Variants in GLCE observed in about 807,000 individuals in gnomAD.
GLCE encodes glucuronic acid epimerase.
Under a neutral mutation model 47.9 loss-of-function variants are expected in GLCE, and 19 were observed. The observed-to-expected ratio is 0.40, with a 90% CI of 0.28 to 0.58. The LOEUF (loss-of-function observed/expected upper bound fraction) is 0.58, where lower values mean the gene tolerates loss of function less well. Among genes scored for constraint, GLCE ranks in the 20% least tolerant of loss-of-function variants. GLCE has a pLI of 0.48. For synonymous variants in GLCE, 245 were observed against 263.4 expected, an observed-to-expected ratio of 0.93 and a Z score of 0.68; for missense variants, 556 against 743.3, an observed-to-expected ratio of 0.75 and a Z score of 2.93.
chr15:69,182,163 A>T (rs7179858), intron 1 of GLCE, among the ~76,000 whole-genome samples: 6,308 of 152,140 alleles, frequency 0.041, 433 homozygotes, highest in African/African-American at 0.14. Context: ...GGCAGAATGG[A>T]TGAATCAGGA....
intron 4 of GLCE, among the ~76,000 whole-genome samples, chr15:69,266,998 A>G (rs1481424286): frequency 6.6e-6 from 1 of 152,230 alleles, no homozygotes; most frequent in African/African-American, 2.4e-5. Flanking sequence ...AAAGATCAAG[A>G]TAGGAAGATT....
chr15:69,229,394 G>A (rs2052490067), intron 2 of GLCE, among the ~76,000 whole-genome samples: 1 of 152,162 alleles, frequency 6.6e-6, no homozygotes, highest in Non-Finnish European at 1.5e-5. Context: ...AACCCAAACA[G>A]CTCAGGAATT....
intron 1 of GLCE, among the ~76,000 whole-genome samples, chr15:69,178,849 A>G (rs1431930349): frequency 1.3e-5 from 2 of 152,148 alleles, no homozygotes; most frequent in African/African-American, 4.8e-5. Context: ...GTCAAAAAAC[A>G]TATATGACTC....
At chr15:69,221,273 C>T (rs550443935) in intron 2 of GLCE, among the ~76,000 whole-genome samples, 4 of 152,144 alleles carry the variant, frequency 2.6e-5, no homozygotes, top group East Asian at 3.9e-4. Context: ...TTTCTATTTC[C>T]GTGAAAAACA....
At chr15:69,238,756 C>T (rs974452248) in intron 2 of GLCE, among the ~76,000 whole-genome samples, 4 of 152,096 alleles carry the variant, frequency 2.6e-5, no homozygotes, top group African/African-American at 4.8e-5. Context: ...AATGAACATA[C>T]ATAATTATAA....
Position 69,271,110 on chromosome 15 carries a change from T to C in GLCE, c.*1866T>C, listed in dbSNP as rs1237013552. 1 of 152,672 alleles carries C rather than the reference T, an allele frequency of 6.5e-6. No homozygotes were observed. The highest frequency in any genetic ancestry group is 1.5e-5 in the Non-Finnish European group (1 of 68,044). 9.5% of individuals were successfully genotyped at this position (152,672 alleles called of 1,614,324 possible). Reference sequence around the variant, plus strand: ...ATGAGACTCGATGATAACAGTATGGTACTGCTTCTGTGACAAATATCGTGC... The same window carrying C: ...ATGAGACTCGATGATAACAGTATGGCACTGCTTCTGTGACAAATATCGTGC... On this transcript the variant is annotated 3_prime_UTR_variant, in exon 5 of 5. Coordinates refer to ENST00000261858, the MANE Select transcript of GLCE (RefSeq NM_015554.3).
chr15:69,217,060 T>TAG (rs1486509734), intron 2 of GLCE, among the ~76,000 whole-genome samples: 1 of 152,130 alleles, frequency 6.6e-6, no homozygotes, highest in Admixed American at 6.5e-5. Context: ...ATGACTGATA[T>TAG]TTCTAATGGC....
At chr15:69,205,160 T>TC (rs1335348722) in intron 1 of GLCE, among the ~76,000 whole-genome samples, 4 of 151,846 alleles carry the variant, frequency 2.6e-5, no homozygotes, top group Admixed American at 6.6e-5. Context: ...GTAGTTGTGC[T>TC]CCCCCCCACC....
At chr15:69,225,538 CAAT>C (rs1031047915) in intron 2 of GLCE, among the ~76,000 whole-genome samples, 2 of 152,082 alleles carry the variant, frequency 1.3e-5, no homozygotes, top group African/African-American at 2.4e-5. Context: ...CATGTATAAG[CAAT>C]AATTTTTTTG....
intron 2 of GLCE, among the ~76,000 whole-genome samples, chr15:69,250,830 G>C (rs1487824309): frequency 6.6e-6 from 1 of 151,168 alleles, no homozygotes; most frequent in Non-Finnish European, 1.5e-5. Flanking sequence ...AAAACAGCGT[G>C]GTCATGGAAA....
chr15:69,220,655 A>G (rs1208428817), intron 2 of GLCE, among the ~76,000 whole-genome samples: 2 of 152,138 alleles, frequency 1.3e-5, no homozygotes, highest in African/African-American at 4.8e-5. Context: ...TGAGTTTTAA[A>G]AGTTATCTAT....
At chr15:69,186,186 A>AT (rs1157865201) in intron 1 of GLCE, among the ~76,000 whole-genome samples, 1 of 152,042 alleles carries the variant, frequency 6.6e-6, no homozygotes, top group Non-Finnish European at 1.5e-5. Flanking sequence ...GCCTCATGAC[A>AT]TCAACATTCC....
At chr15:69,176,216 G>GTCTTTTTTT (rs2051660214) in intron 1 of GLCE, among the ~76,000 whole-genome samples, 1 of 63,388 alleles carries the variant, frequency 1.6e-5, no homozygotes, top group South Asian at 7.3e-4. Context: ...GTGGAACCTT[G>GTCTTTTTTT]TTTTTTTTTT....
chr15:69,193,599 A>G (rs1399310505), intron 1 of GLCE, among the ~76,000 whole-genome samples: 1 of 152,026 alleles, frequency 6.6e-6, no homozygotes, highest in African/African-American at 2.4e-5. Context: ...AAAATCTCCT[A>G]TGCCTTTGAT....
At position 69,268,677 on chromosome 15, in the gene GLCE, G is replaced by C. The variant is rs774135395; in HGVS notation, c.1287G>C (p.Lys429Asn). 1.9e-6 allele frequency: 3 copies of C among 1,614,230 alleles called. No homozygotes were observed. The highest frequency in any genetic ancestry group is 1.7e-5 in the Admixed American group (1 of 60,020). The change falls in exon 5 of 5, where the codon AAG becomes AAC. Residue 429 changes from lysine to asparagine, a missense_variant. Physicochemically the swap from Lys to Asn is moderately conservative, Grantham distance 94. Transcript: ENST00000261858. ...GCTGGCCAATTATGGTGACCCGTAA[G>C]TTAGGGGAAGGGTTCAAGTCTTTAG... ...KGGWPIMVTR[K>N]LGEGFKSLEP...
intron 2 of GLCE, among the ~76,000 whole-genome samples, chr15:69,242,999 G>GTGAGCTA (rs2052694354): frequency 6.8e-6 from 1 of 146,712 alleles, no homozygotes; most frequent in African/African-American, 2.6e-5. Context: ...TGCAGCTACA[G>GTGAGCTA]TGAGCTATGA....
At chr15:69,215,369 A>C (rs1056201207) in intron 2 of GLCE, among the ~76,000 whole-genome samples, 2 of 152,124 alleles carry the variant, frequency 1.3e-5, no homozygotes, top group African/African-American at 4.8e-5. Flanking sequence ...AGCAAAATAC[A>C]TTTTAAGTTT....
At chr15:69,264,176 C>G (rs370661180) in intron 4 of GLCE, among the ~76,000 whole-genome samples, 1 of 150,742 alleles carries the variant, frequency 6.6e-6, no homozygotes, top group Non-Finnish European at 1.5e-5. Context: ...CCCACCCCCC[C>G]AGCCCGACAA....
chr15:69,179,579 C>T (rs1363122754), intron 1 of GLCE, among the ~76,000 whole-genome samples: 1 of 152,158 alleles, frequency 6.6e-6, no homozygotes, highest in African/African-American at 2.4e-5. Flanking sequence ...CTGTGCCATC[C>T]CTATATAGTC....
Sources: allele counts gnomAD v4.1 joint callset (sites outside exome capture counted in the v4.1 genomes callset), GRCh38; gene constraint gnomAD v4.1.1; transcripts MANE v1.5; gene names NCBI Gene and HGNC (gene_info 2026-07-23, HGNC 2026-07-21).